BICRAL: variants seen among roughly 807,000 people sequenced by gnomAD.
BICRAL encodes BRD4-interacting chromatin-remodeling complex-associated protein-like.
In BICRAL, 8 loss-of-function variants were observed where a neutral mutation model predicts 91.8. The ratio of observed to expected loss-of-function variants is 0.09; its 90% CI spans 0.05 to 0.16. The LOEUF (loss-of-function observed/expected upper bound fraction) is 0.16, where lower values mean the gene tolerates loss of function less well. Among genes scored for constraint, BICRAL ranks in the 10% least tolerant of loss-of-function variants. BICRAL has a pLI of 1.00. For missense variants in BICRAL, 1,038 were observed against 1,310.9 expected (o/e 0.79, Z 3.21); for synonymous variants, 445 against 491.1 (o/e 0.91, Z 1.24).
chr6:42,759,763 G>A (rs1273746270), intron 1 of BICRAL, among the ~76,000 whole-genome samples: 6 of 152,114 alleles, frequency 3.9e-5, no homozygotes, highest in Admixed American at 6.6e-5. Flanking sequence ...TCCTCTTCTG[G>A]GAAGCCTATC....
chr6:42,862,617 G>A lies in BICRAL; in HGVS notation c.2452+5G>A. The A allele has an allele frequency of 6.5e-7, 1 of 1,543,066 alleles. No individual in the cohort carries two copies. Among genetic ancestry groups the A allele is most frequent in the Non-Finnish European group, 9.0e-7 (1 of 1,115,294 alleles). ...GTTTGGCACTTGTAGACCCTGGTAA[G>A]AAACATCGCAGTGAAAGTAGTGGAT... On this transcript the variant is annotated splice_donor_5th_base_variant and intron_variant, in intron 12 of 12. Coordinates refer to ENST00000314073, the MANE Select transcript of BICRAL (RefSeq NM_001393499.1).
At chr6:42,756,869 T>C (rs1762467826) in intron 1 of BICRAL, among the ~76,000 whole-genome samples, 1 of 150,898 alleles carries the variant, frequency 6.6e-6, no homozygotes, top group African/African-American at 2.4e-5. Context: ...GTCTCTCGCT[T>C]GGCTCTCGCG....
At chr6:42,845,029 T>TTAC (rs1476316246) in intron 6 of BICRAL, among the ~76,000 whole-genome samples, 2 of 151,804 alleles carry the variant, frequency 1.3e-5, no homozygotes. Flanking sequence ...AAAAAAAGGA[T>TTAC]TACTGGACAG....
intron 6 of BICRAL, among the ~76,000 whole-genome samples, chr6:42,832,221 G>T (rs1005204414): frequency 6.6e-6 from 1 of 151,132 alleles, no homozygotes; most frequent in African/African-American, 2.4e-5. Context: ...GGTGACACAC[G>T]CCTGTAGTCC....
chr6:42,860,384 CT>C, intron 11 of BICRAL, 28 bp downstream of exon 11: 3 of 1,326,884 alleles, frequency 2.3e-6, no homozygotes, highest in Non-Finnish European at 3.3e-6. Flanking sequence ...GATATTTGTT[CT>C]TTAAAACTTT....
chr6:42,860,501 T>C (rs1031174831), intron 11 of BICRAL, 145 bp downstream of exon 11: 2 of 557,200 alleles, frequency 3.6e-6, no homozygotes, highest in Admixed American at 3.2e-5. Flanking sequence ...GCTTAGCTGC[T>C]ACTACAAAAA....
intron 6 of BICRAL, among the ~76,000 whole-genome samples, chr6:42,851,592 T>C (rs1765181413): frequency 6.6e-6 from 1 of 152,180 alleles, no homozygotes; most frequent in Non-Finnish European, 1.5e-5. Context: ...AAACTAGAGA[T>C]ATACCAGATG....
chr6:42,801,264 AAAAG>A (rs926347121), intron 1 of BICRAL, among the ~76,000 whole-genome samples: 30 of 151,946 alleles, frequency 2.0e-4, no homozygotes, highest in Admixed American at 5.9e-4. Context: ...AAAAAAAAAA[AAAAG>A]AGAGCGAGAG....
Position 42,829,627 on chromosome 6 carries a change from C to T in BICRAL, c.1294C>T (p.Leu432Phe). Residue 432 changes from leucine to phenylalanine, a missense_variant, in exon 6 of 13, where the codon CTC becomes TTC. This residue lies in a region of BICRAL where 532 missense variants were observed against 724.9 expected (regional missense o/e 0.73). Transcript: ENST00000314073. ...GQLLQTQPSQ[L>F]ISGQVASEHV... ...ACTTCTTCAAACTCAACCCTCTCAG[C>T]TCATTTCTGGCCAAGTGGCCTCAGA... The T allele has an allele frequency of 6.2e-7, 1 of 1,614,192 alleles. No homozygotes were observed. Among genetic ancestry groups the T allele is most frequent in the Non-Finnish European group, 8.5e-7 (1 of 1,180,020 alleles).
chr6:42,811,425 A>C (rs1364361624), intron 2 of BICRAL, among the ~76,000 whole-genome samples: 3 of 152,156 alleles, frequency 2.0e-5, no homozygotes, highest in Non-Finnish European at 1.5e-5. Flanking sequence ...GATCGAGACC[A>C]TCCTAGCCAA....
intron 6 of BICRAL, among the ~76,000 whole-genome samples, chr6:42,843,058 T>C (rs1013890520): frequency 6.6e-6 from 1 of 152,114 alleles, no homozygotes; most frequent in African/African-American, 2.4e-5. Flanking sequence ...GGTTTTACCA[T>C]GTTAGCCAGG....
chr6:42,796,285 C>T (rs1272350905), intron 1 of BICRAL, among the ~76,000 whole-genome samples: 1 of 152,126 alleles, frequency 6.6e-6, no homozygotes, highest in East Asian at 1.9e-4. Flanking sequence ...TGTCTTTGAG[C>T]AGAGTCTTGA....
intron 1 of BICRAL, among the ~76,000 whole-genome samples, chr6:42,764,878 C>G (rs1431401433): frequency 6.6e-6 from 1 of 152,188 alleles, no homozygotes; most frequent in African/African-American, 2.4e-5. Flanking sequence ...CCAGGATGGT[C>G]TTGATCTCCT....
At chr6:42,809,752 A>G (rs560898740) in intron 1 of BICRAL, among the ~76,000 whole-genome samples, 71 of 151,916 alleles carry the variant, frequency 4.7e-4, no homozygotes, top group Admixed American at 2.2e-3. Context: ...CTGGAATTAT[A>G]AGCCACCGTG....
chr6:42,746,685 T>C (rs1762280189), upstream of BICRAL, among the ~76,000 whole-genome samples: 1 of 151,930 alleles, frequency 6.6e-6, no homozygotes, highest in African/African-American at 2.4e-5. Flanking sequence ...CCAACCCATT[T>C]CTGCCTCCCC....
chr6:42,808,921 C>T (rs1283817436), intron 1 of BICRAL, among the ~76,000 whole-genome samples: 1 of 152,118 alleles, frequency 6.6e-6, no homozygotes, highest in Admixed American at 6.6e-5. Context: ...TGTCCTTGCC[C>T]TGTGTCTCCA....
intron 2 of BICRAL, among the ~76,000 whole-genome samples, chr6:42,817,177 T>C (rs1206184160): frequency 6.6e-6 from 1 of 151,804 alleles, no homozygotes; most frequent in Non-Finnish European, 1.5e-5. Context: ...TGTGTGTATA[T>C]ATGTGTGTGT....
chr6:42,829,171 G>C lies in BICRAL; in HGVS notation c.838G>C (p.Val280Leu). The C allele has an allele frequency of 6.2e-7, 1 of 1,614,018 alleles. No individual in the cohort carries two copies. Residue 280 changes from valine (V) to leucine (L), a missense_variant, in exon 6 of 13, where the codon GTT (valine) becomes CTT (leucine). Transcript: ENST00000314073. ...CAGTCCAGTAGCACAGCCTGTTACC[G>C]TTCCATTTAACAGCACAAATTTTCA... ...SSSPVAQPVT[V>L]PFNSTNFQTS...
intron 1 of BICRAL, among the ~76,000 whole-genome samples, chr6:42,761,381 G>A (rs1762545079): frequency 6.6e-6 from 1 of 152,180 alleles, no homozygotes; most frequent in African/African-American, 2.4e-5. Flanking sequence ...CTTGGGAGGT[G>A]GAGGTTGCAG....
Sources: allele counts gnomAD v4.1 joint callset (sites outside exome capture counted in the v4.1 genomes callset), GRCh38; gene constraint gnomAD v4.1.1; regional missense constraint gnomAD v4.1.1; transcripts MANE v1.5; gene names NCBI Gene and HGNC (gene_info 2026-07-23, HGNC 2026-07-21).